The following LYG1 variants were observed in gnomAD, a reference collection of about 807,000 sequenced individuals.
LYG1 encodes lysozyme g-like protein 1.
Under a neutral mutation model 21.7 loss-of-function variants are expected in LYG1, and 17 were observed. The ratio of observed to expected loss-of-function variants is 0.78; its 90% CI spans 0.54 to 1.18. The LOEUF (loss-of-function observed/expected upper bound fraction) is 1.18, where lower values mean the gene tolerates loss of function less well. Ranked by LOEUF, LYG1 falls within the 50% of genes most tolerant of loss-of-function variation. LYG1 has a pLI of 0.00. For missense variants in LYG1, 211 were observed against 238.1 expected, an observed-to-expected ratio of 0.89 and a Z score of 0.75; for synonymous variants, 81 against 87.4, an observed-to-expected ratio of 0.93 and a Z score of 0.41.
intron 5 of LYG1, 35 bp from the exon 6 acceptor site, chr2:99,284,855 G>A (rs1330210963): frequency 1.9e-6 from 3 of 1,609,146 alleles, no homozygotes; most frequent in Non-Finnish European, 2.5e-6. Flanking sequence ...AGCCACGTAA[G>A]CTGGGTGGGA....
intron 4 of LYG1, among the ~76,000 whole-genome samples, chr2:99,291,634 G>A (rs949027965): frequency 6.6e-6 from 1 of 152,120 alleles, no homozygotes; most frequent in Non-Finnish European, 1.5e-5. Context: ...CCTGAGCCAG[G>A]GTCCCCTGTG....
intron 2 of LYG1, among the ~76,000 whole-genome samples, 177 bp downstream of exon 2, chr2:99,298,282 A>C (rs866035320): frequency 1.2e-4 from 18 of 152,156 alleles, no homozygotes; most frequent in African/African-American, 4.3e-4. Flanking sequence ...CACAATGTTT[A>C]TGGTAGCATC....
At chr2:99,285,029 G>A (rs746737009) in intron 5 of LYG1, among the ~76,000 whole-genome samples, 22 of 152,168 alleles carry the variant, frequency 1.4e-4, no homozygotes, top group Non-Finnish European at 3.1e-4. Context: ...GACAGGTGGA[G>A]AGAACAAACC....
At chr2:99,301,475 GGGAAGGAAGAAAGAAAAGGAAGAA>G (rs2094153825), upstream of LYG1, among the ~76,000 whole-genome samples, 1 of 75,896 alleles carries the variant, frequency 1.3e-5, no homozygotes, top group Non-Finnish European at 3.0e-5. Flanking sequence ...AAGGGAGGAA[GGGAAGGAAGAAAGAAAAGGAAGAA>G]GGAAGGAAGG....
intron 1 of LYG1, among the ~76,000 whole-genome samples, chr2:99,299,257 G>GT (rs1263880450): frequency 3.9e-5 from 5 of 127,336 alleles, no homozygotes; most frequent in African/African-American, 1.2e-4. Context: ...TTTTCTTTTT[G>GT]TTTTTTCTTT....
chr2:99,296,516 C>T (rs1006931935), intron 2 of LYG1, among the ~76,000 whole-genome samples: 10 of 152,052 alleles, frequency 6.6e-5, no homozygotes, highest in African/African-American at 2.4e-4. Flanking sequence ...TACAAACAGC[C>T]CTGGTTCTCC....
chr2:99,297,944 G>A (rs2094141750), intron 2 of LYG1, among the ~76,000 whole-genome samples: 1 of 152,184 alleles, frequency 6.6e-6, no homozygotes, highest in African/African-American at 2.4e-5. Flanking sequence ...TGAACTCCAG[G>A]CTTCAAGTGA....
chr2:99,293,906 C>T (rs1342623905), intron 3 of LYG1, among the ~76,000 whole-genome samples: 6 of 152,076 alleles, frequency 3.9e-5, no homozygotes, highest in Admixed American at 2.0e-4. Context: ...CATTAGATTA[C>T]TCTTTAATTA....
chr2:99,284,873 C>A, intron 5 of LYG1, 53 bp from the exon 6 acceptor site: 1 of 1,601,976 alleles, frequency 6.2e-7, no homozygotes. Context: ...GGAGGGTGAT[C>A]CGGCTTACTG....
At chr2:99,303,338 C>T (rs1204145796), upstream of LYG1, among the ~76,000 whole-genome samples, 2 of 152,094 alleles carry the variant, frequency 1.3e-5, no homozygotes, top group East Asian at 3.9e-4. Flanking sequence ...ATGCCCAGCT[C>T]CACCTACAAA....
At position 99,295,645 on chromosome 2, in the gene LYG1, C is replaced by T; in HGVS notation, c.26G>A (p.Gly9Asp). The change falls in exon 3 of 7, where the codon GGC becomes GAC. Residue 9 changes from glycine (G) to aspartate (D), a missense_variant. Transcript: ENST00000308528. ...ACACTCACCCATCAGGGCAAGGAGG[C>T]CCAGCAGCAGCCACAATGCAGACAT... MSALWLLL[G>D]LLALMDLSES... 1 of 1,614,124 alleles carries T rather than the reference C, an allele frequency of 6.2e-7. No individual in the cohort carries two copies. Among genetic ancestry groups the T allele is most frequent in the South Asian group, 1.1e-5 (1 of 91,072 alleles).
chr2:99,290,876 T>C (rs1474399655), intron 5 of LYG1, among the ~76,000 whole-genome samples: 1 of 152,196 alleles, frequency 6.6e-6, no homozygotes, highest in African/African-American at 2.4e-5. Context: ...TGGCATTTTA[T>C]AGGTAGAGAA....
chr2:99,295,286 C>T (rs574917842), intron 3 of LYG1, among the ~76,000 whole-genome samples: 6 of 152,310 alleles, frequency 3.9e-5, no homozygotes, highest in African/African-American at 1.2e-4. Context: ...CTTATTCTGG[C>T]AACCACCTCA....
At chr2:99,300,516 T>C (rs993807689) in intron 1 of LYG1, among the ~76,000 whole-genome samples, 2 of 152,234 alleles carry the variant, frequency 1.3e-5, no homozygotes, top group African/African-American at 4.8e-5. Context: ...CTTTTTAGTC[T>C]GTTAGCCGAG....
In LYG1 at chr2:99,291,269, C is replaced by T; in HGVS notation, c.301G>A (p.Val101Ile). The change falls in exon 5 of 7, where the codon GTC becomes ATC. Residue 101 changes from valine to isoleucine, a missense_variant. By Grantham distance (29) the Val-to-Ile change is conservative. Transcript: ENST00000308528. ...ATGCTAGTCCTATCGCCCATGTTGA[C>T]CAGAATTTTGTCACCGGGAGACTTC... ...SRKSPGDKIL[V>I]NMGDRTSMVQ... The T allele has an allele frequency of 1.9e-6, 3 of 1,614,138 alleles. No homozygotes were observed. Among genetic ancestry groups the T allele is most frequent in the Non-Finnish European group, 2.5e-6 (3 of 1,180,020 alleles).
intron 3 of LYG1, among the ~76,000 whole-genome samples, chr2:99,294,016 G>C (rs774002319): frequency 5.9e-5 from 9 of 152,046 alleles, no homozygotes; most frequent in Non-Finnish European, 1.0e-4. Context: ...CAACCTCCCA[G>C]GTTCAAGCTA....
rs765441717 is a variant in LYG1, at chr2:99,284,346, A to G, written c.*47T>C. 3.2e-6 allele frequency: 5 copies of G among 1,555,678 alleles called. No homozygotes were observed. The highest frequency in any genetic ancestry group is 1.7e-5 in the Admixed American group (1 of 58,944). On this transcript the variant is annotated 3_prime_UTR_variant, in exon 7 of 7. Coordinates refer to ENST00000308528, the MANE Select transcript of LYG1 (RefSeq NM_174898.3). ...CCTTGGCTAGTTTTATCTGTGTAAC[A>G]TTTGAGGCTGCATATGTGATCATGG...
chr2:99,300,729 T>G (rs2094151552), intron 1 of LYG1, among the ~76,000 whole-genome samples: 1 of 141,990 alleles, frequency 7.0e-6, no homozygotes, highest in Non-Finnish European at 1.5e-5. Context: ...CATTTGGCCC[T>G]ATTACAGCTA....
intron 2 of LYG1, among the ~76,000 whole-genome samples, chr2:99,297,772 TG>T (rs1328984072): frequency 1.3e-5 from 2 of 152,212 alleles, no homozygotes; most frequent in Admixed American, 1.3e-4. Context: ...TGGAGTGCAA[TG>T]GCACGATCAC....
Sources: allele counts gnomAD v4.1 joint callset (sites outside exome capture counted in the v4.1 genomes callset), GRCh38; gene constraint gnomAD v4.1.1; transcripts MANE v1.5; gene names NCBI Gene and HGNC (gene_info 2026-07-23, HGNC 2026-07-21).